PDZRN3: variants seen among roughly 807,000 people sequenced by gnomAD.
PDZRN3 encodes PDZ domain containing ring finger 3, also known as E3 ubiquitin-protein ligase PDZRN3.
In PDZRN3, 38 loss-of-function variants were observed where a neutral mutation model predicts 85.7. The ratio of observed to expected loss-of-function variants is 0.44; its 90% CI spans 0.34 to 0.58. The LOEUF (loss-of-function observed/expected upper bound fraction) is 0.58. PDZRN3 is among the 20% of genes least tolerant of loss of function. PDZRN3 has a pLI of 0.01. For synonymous variants in PDZRN3, 759 were observed against 638.0 expected (o/e 1.19, Z -2.86); for missense variants, 1,629 against 1,506.4 (o/e 1.08, Z -1.35).
chr3:73,565,616 G>A (rs1383131836), intron 3 of PDZRN3, among the ~76,000 whole-genome samples: 1 of 151,968 alleles, frequency 6.6e-6, no homozygotes, highest in Non-Finnish European at 1.5e-5. Flanking sequence ...AAATCCTACC[G>A]CTTTCCAAGC....
chr3:73,547,910 T>A (rs1701463109), intron 3 of PDZRN3, among the ~76,000 whole-genome samples: 1 of 152,126 alleles, frequency 6.6e-6, no homozygotes, highest in Non-Finnish European at 1.5e-5. Flanking sequence ...ATAAAAAGGC[T>A]CCAAAGGCTT....
At chr3:73,477,750 A>C (rs1367360648) in intron 3 of PDZRN3, among the ~76,000 whole-genome samples, 1 of 152,192 alleles carries the variant, frequency 6.6e-6, no homozygotes, top group African/African-American at 2.4e-5. Context: ...TGCTCTAAGA[A>C]ATACCCAAGA....
intron 3 of PDZRN3, among the ~76,000 whole-genome samples, chr3:73,521,718 C>T (rs928174648): frequency 5.9e-5 from 9 of 152,184 alleles, no homozygotes; most frequent in Non-Finnish European, 1.0e-4. Flanking sequence ...TTCCACCCTG[C>T]AACGCCTCTC....
intron 3 of PDZRN3, among the ~76,000 whole-genome samples, chr3:73,473,125 A>C (rs1486076709): frequency 6.6e-6 from 1 of 152,202 alleles, no homozygotes; most frequent in Non-Finnish European, 1.5e-5. Flanking sequence ...CTCTCTACTT[A>C]ATATCTCTTA....
intron 3 of PDZRN3, among the ~76,000 whole-genome samples, chr3:73,580,884 G>C (rs1031114620): frequency 6.6e-6 from 1 of 152,108 alleles, no homozygotes; most frequent in Non-Finnish European, 1.5e-5. Flanking sequence ...CTTCAATTGC[G>C]TCTTGCTTTA....
chr3:73,581,970 C>T lies in PDZRN3; in HGVS notation c.918+20384G>A, dbSNP rs1176352946. Among the ~76,000 whole-genome samples the T allele has an allele frequency of 4.8e-5, 6 of 125,498 alleles. 2 individuals are homozygous for T. In the Admixed American group the frequency reaches 4.8e-4, roughly 10 times the overall value. The allele number at this position is 125,498 out of a possible 152,430, so 82.3% of individuals were successfully genotyped here. On this transcript the variant is annotated intron_variant, in intron 3 of 9. Transcript: ENST00000263666. ...AAGAAATTAGCTGTGTGTGGTGGCA[C>T]GTGCCTGTGGTACCAGCTACCCAGG... is the stretch of plus-strand genomic sequence containing the variant.
chr3:73,434,687 C>T (rs1053440982), intron 3 of PDZRN3, among the ~76,000 whole-genome samples: 1 of 152,196 alleles, frequency 6.6e-6, no homozygotes, highest in Non-Finnish European at 1.5e-5. Flanking sequence ...TATGGCTGGG[C>T]TGACTGTCAC....
chr3:73,561,175 T>C (rs1701807277), intron 3 of PDZRN3, among the ~76,000 whole-genome samples: 1 of 152,238 alleles, frequency 6.6e-6, no homozygotes, highest in Non-Finnish European at 1.5e-5. Context: ...TTGTTTGTGA[T>C]TTAAAATCCT....
At position 73,384,608 on chromosome 3, in the gene PDZRN3, T is replaced by C. The variant is rs1437511269; in HGVS notation, c.1958A>G (p.Lys653Arg). The change falls in exon 10 of 10, where the codon AAG becomes AGG. Residue 653 changes from lysine to arginine, a missense_variant. By Grantham distance (26) the Lys-to-Arg change is conservative. Transcript: ENST00000263666. Reference sequence around the variant, plus strand: ...AGGGGTGGCGCTCTTCACCTGGCACTTGAGCTCCAGGAGCTCGCGGAAGCG... The same window carrying C: ...AGGGGTGGCGCTCTTCACCTGGCACCTGAGCTCCAGGAGCTCGCGGAAGCG... The part of the protein sequence containing the change: ...CERFRELLEL[K>R]CQVKSATPYG... 1.2e-6 allele frequency: 2 copies of C among 1,613,836 alleles called. No individual in the cohort carries two copies. Among genetic ancestry groups the C allele is most frequent in the Non-Finnish European group, 8.5e-7 (1 of 1,180,038 alleles).
At chr3:73,604,154 C>T (rs528098918) in intron 2 of PDZRN3, among the ~76,000 whole-genome samples, 4 of 152,290 alleles carry the variant, frequency 2.6e-5, no homozygotes, top group African/African-American at 4.8e-5. Flanking sequence ...GCACACTAAC[C>T]CTTTACCATC....
intron 3 of PDZRN3, among the ~76,000 whole-genome samples, chr3:73,594,508 A>G (rs1364365630): frequency 6.6e-6 from 1 of 152,220 alleles, no homozygotes; most frequent in Non-Finnish European, 1.5e-5. Context: ...CCCAGATAGC[A>G]TGACAGGTAG....
intron 3 of PDZRN3, among the ~76,000 whole-genome samples, chr3:73,517,676 T>C (rs574595184): frequency 6.6e-6 from 1 of 152,314 alleles, no homozygotes; most frequent in Admixed American, 6.5e-5. Context: ...ATATCTGTAA[T>C]TTACACATCT....
rs1272590858 is a variant in PDZRN3, at chr3:73,382,450, A to C, written c.*915T>G. On this transcript the variant is annotated 3_prime_UTR_variant, in exon 10 of 10. Transcript: ENST00000263666. ...AAAGCAAACACTGCAAAAGGCTTTT[A>C]TTTTATAGGCACCACTGCAAAATGA... The C allele has an allele frequency of 6.6e-6, 1 of 152,494 alleles. No individual in the cohort carries two copies. The highest frequency in any genetic ancestry group is 1.5e-5 in the Non-Finnish European group (1 of 68,036). The allele number at this position is 152,494 out of a possible 1,614,324, so 9.4% of individuals were successfully genotyped here.
intron 3 of PDZRN3, among the ~76,000 whole-genome samples, chr3:73,559,860 A>C (rs539647948): frequency 1.3e-5 from 2 of 152,376 alleles, no homozygotes; most frequent in South Asian, 2.1e-4. Flanking sequence ...ACTAGAAACT[A>C]TCTCACCACA....
intron 3 of PDZRN3, among the ~76,000 whole-genome samples, chr3:73,407,115 T>A (rs1332853657): frequency 6.6e-6 from 1 of 152,212 alleles, no homozygotes; most frequent in Non-Finnish European, 1.5e-5. Context: ...GATTTAGACA[T>A]GGGTATACAG....
chr3:73,428,153 T>C (rs73096407), intron 3 of PDZRN3, among the ~76,000 whole-genome samples: 8,501 of 152,154 alleles, frequency 0.056, 340 homozygotes, highest in South Asian at 0.096. Flanking sequence ...AGGCTGGATC[T>C]CACAGGGCTC....
chr3:73,559,306 A>C (rs1020685095), intron 3 of PDZRN3, among the ~76,000 whole-genome samples: 40 of 152,198 alleles, frequency 2.6e-4, no homozygotes, highest in African/African-American at 9.4e-4. Flanking sequence ...AATGTGTAGA[A>C]CTTTATTTTC....
At chr3:73,617,146 A>G (rs1702775551) in intron 1 of PDZRN3, among the ~76,000 whole-genome samples, 1 of 152,104 alleles carries the variant, frequency 6.6e-6, no homozygotes, top group African/African-American at 2.4e-5. Context: ...CTGCACACAC[A>G]CTGCTGATGC....
At position 73,608,612 on chromosome 3, in the gene PDZRN3, C is replaced by CACCAATAAT; in HGVS notation, c.787_795dup (p.Ile263_Gly265dup). On this transcript the variant is annotated inframe_insertion, in exon 2 of 10. Coordinates refer to ENST00000263666, the MANE Select transcript of PDZRN3 (RefSeq NM_015009.3). ...AATTAACATACCACACTCGGCCGGC[C>CACCAATAAT]ACCAATAATATTGAATCCCAGGGAG... The CACCAATAAT allele has an allele frequency of 6.2e-7, 1 of 1,610,898 alleles. No homozygotes were observed. The highest frequency in any genetic ancestry group is 8.5e-7 in the Non-Finnish European group (1 of 1,177,406).
Sources: gnomAD v4.1 joint callset for allele counts (sites outside exome capture counted in the v4.1 genomes callset) on GRCh38, gnomAD v4.1.1 for gene constraint, MANE v1.5 for transcripts, NCBI Gene and HGNC (gene_info 2026-07-23, HGNC 2026-07-21) for gene names.